WDR64: variants seen among roughly 807,000 people sequenced by gnomAD.
WDR64 encodes the protein WD repeat-containing protein 64.
In WDR64, 112 loss-of-function variants were observed where a neutral mutation model predicts 139.3. The observed-to-expected ratio is 0.80, with a 90% confidence interval of 0.69 to 0.94. WDR64 has a LOEUF of 0.94. Ranked by LOEUF, WDR64 falls within the 40% of genes least tolerant of loss-of-function variation. WDR64 has a pLI of 0.00. For synonymous variants in WDR64, 444 were observed against 437.7 expected, an observed-to-expected ratio of 1.01 and a Z score of -0.18; for missense variants, 1,206 against 1,293.1, an observed-to-expected ratio of 0.93 and a Z score of 1.03.
At chr1:241,800,757 G>T (rs990539493) in intron 27 of WDR64, among the ~76,000 whole-genome samples, 1 of 152,214 alleles carries the variant, frequency 6.6e-6, no homozygotes, top group African/African-American at 2.4e-5. Flanking sequence ...TTATTAATCT[G>T]CAATATTAAT....
intron 8 of WDR64, among the ~76,000 whole-genome samples, chr1:241,697,019 A>G (rs1348556503): frequency 6.6e-6 from 1 of 151,856 alleles, no homozygotes; most frequent in Non-Finnish European, 1.5e-5. Flanking sequence ...TTCCCTTCCT[A>G]TTGACCTAGA....
At chr1:241,714,185 T>A (rs1461835988) in intron 9 of WDR64, among the ~76,000 whole-genome samples, 2 of 152,204 alleles carry the variant, frequency 1.3e-5, no homozygotes, top group African/African-American at 2.4e-5. Flanking sequence ...ACAGAAGGCA[T>A]GTAGGCTTGC....
chr1:241,652,460 G>C lies in WDR64; in HGVS notation c.-25G>C, dbSNP rs780549609. ...AAACTTGCAGTATTCTTTCTGTACAGAAGTAAAAGATCCCCTATGTCCCTA... is the reference window on the plus strand; with the variant it reads ...AAACTTGCAGTATTCTTTCTGTACACAAGTAAAAGATCCCCTATGTCCCTA... On this transcript the variant is annotated 5_prime_UTR_variant, in exon 1 of 28. Coordinates refer to ENST00000437684, the MANE Select transcript of WDR64 (RefSeq NM_001367482.1). 3.9e-6 allele frequency: 6 copies of C among 1,547,860 alleles called. No homozygotes were observed. In the African/African-American group the frequency reaches 8.3e-5, roughly 21 times the overall value.
intron 25 of WDR64, 125 bp downstream of exon 25, chr1:241,790,821 A>G (rs1659194689): frequency 1.3e-6 from 1 of 759,804 alleles, no homozygotes; most frequent in Admixed American, 2.9e-5. Context: ...ATTACAAATT[A>G]CTATAAACTT....
Position 241,780,071 on chromosome 1 carries a change from T to C in WDR64, c.2595+9T>C, listed in dbSNP as rs1469979580. 1 of 1,590,310 alleles carries C rather than the reference T, an allele frequency of 6.3e-7. No homozygotes were observed. The highest frequency in any genetic ancestry group is 1.2e-5 in the South Asian group (1 of 86,870). On this transcript the variant is annotated intron_variant, in intron 22 of 27. Transcript: ENST00000437684. ...CACCTCATGATGAAAAGGTAAGAACTTCAGTTTTCCACTTTAATTTATGAG... is the reference window on the plus strand; with the variant it reads ...CACCTCATGATGAAAAGGTAAGAACCTCAGTTTTCCACTTTAATTTATGAG...
chr1:241,723,929 C>T (rs1175322151), intron 10 of WDR64, among the ~76,000 whole-genome samples: 2 of 151,626 alleles, frequency 1.3e-5, no homozygotes, highest in Non-Finnish European at 2.9e-5. Context: ...TGGCTAGTTG[C>T]AATGGCAACC....
intron 16 of WDR64, 47 bp from the exon 17 acceptor site, chr1:241,769,357 C>T (rs1300512197): frequency 6.9e-7 from 1 of 1,438,924 alleles, no homozygotes. Flanking sequence ...ACTGTAAGCT[C>T]CATAATTTGT....
intron 20 of WDR64, among the ~76,000 whole-genome samples, 189 bp from the exon 21 acceptor site, chr1:241,774,916 T>A (rs570582322): frequency 5.3e-5 from 8 of 152,208 alleles, no homozygotes; most frequent in Non-Finnish European, 1.2e-4. Context: ...TTTAGTATAT[T>A]TAATTTCAAG....
rs970715834 is a variant in WDR64, at chr1:241,656,197, G to A, written c.145+3568G>A. On this transcript the variant is annotated intron_variant, in intron 1 of 27. Transcript: ENST00000437684. The surrounding 1 kb of genome is among the most constrained non-coding windows in gnomAD (Gnocchi z 4.3). ...ATGTCATCTTCACTTTTGTCAGGCT[G>A]TTAATAATGTCTGGCACAAATTCAT... Among the ~76,000 whole-genome samples, 1 of 152,166 alleles carries A rather than the reference G, an allele frequency of 6.6e-6. No individual in the cohort carries two copies. Among genetic ancestry groups the A allele is most frequent in the African/African-American group, 2.4e-5 (1 of 41,436 alleles).
chr1:241,704,339 T>G (rs1221107042), intron 8 of WDR64, among the ~76,000 whole-genome samples: 2 of 152,228 alleles, frequency 1.3e-5, no homozygotes, highest in Non-Finnish European at 2.9e-5. Context: ...TAAAGTGCTA[T>G]CGAAATGCTG....
At chr1:241,742,970 G>A (rs1669606134) in intron 12 of WDR64, among the ~76,000 whole-genome samples, 1 of 152,152 alleles carries the variant, frequency 6.6e-6, no homozygotes, top group Non-Finnish European at 1.5e-5. Flanking sequence ...GGAGACGTGT[G>A]GACTAGCAGA....
chr1:241,752,216 C>T (rs2148267090), intron 14 of WDR64, among the ~76,000 whole-genome samples: 1 of 152,254 alleles, frequency 6.6e-6, no homozygotes, highest in East Asian at 1.9e-4. Context: ...TTCCTAAAGA[C>T]CTACCAGCCA....
chr1:241,687,514 C>T lies in WDR64; in HGVS notation c.893C>T (p.Ala298Val), dbSNP rs755868273. 7.4e-6 allele frequency: 12 copies of T among 1,613,740 alleles called. No homozygotes were observed. The South Asian group carries it at 1.3e-4, about 18-fold the overall frequency. Reference protein sequence around the residue: ...DWVMKIRYISALNCFGSCSLD... With the variant: ...DWVMKIRYISVLNCFGSCSLD... ...GTTATGAAAATTAGATATATTTCAGCCCTAAATTGTTTTGGATCCTGCTCC... is the reference window on the plus strand; with the variant it reads ...GTTATGAAAATTAGATATATTTCAGTCCTAAATTGTTTTGGATCCTGCTCC... The change falls in exon 8 of 28, where the codon GCC becomes GTC. Residue 298 changes from alanine to valine, a missense_variant. By Grantham distance (64) the Ala-to-Val change is moderately conservative. Transcript: ENST00000437684.
rs113503463 is a variant in WDR64 at position 241,785,880 on chromosome 1, A to G, written c.2706-1969A>G. Among the ~76,000 whole-genome samples, 451 of 152,342 alleles carry G rather than the reference A, an allele frequency of 3.0e-3. 2 individuals are homozygous for G. Among genetic ancestry groups the G allele is most frequent in the African/African-American group, 0.01 (429 of 41,580 alleles). ...AGTTCAGGGAGGCAAAGTGGGGCTC[A>G]AGGTAGCTAAGGTTCTGTATCTGAG... On this transcript the variant is annotated intron_variant, in intron 23 of 27. Coordinates refer to ENST00000437684, the MANE Select transcript of WDR64 (RefSeq NM_001367482.1).
In WDR64 at chr1:241,652,604, A is replaced by G; in HGVS notation, c.120A>G (p.Arg40=). Residue 40 remains arginine, a synonymous_variant, in exon 1 of 28, where the codon AGA becomes AGG. Coordinates refer to ENST00000437684, the MANE Select transcript of WDR64 (RefSeq NM_001367482.1). ...EQTAAQKRDE[R]AGLFIHKEDA... is the part of the protein sequence containing the mutation. ...CAGCAGCCCAGAAAAGAGATGAAAG[A>G]GCAGGCTTATTTATCCATAAAGAAG... is the stretch of plus-strand genomic sequence containing the variant. 6.4e-7 allele frequency: 1 copy of G among 1,551,834 alleles called. No individual in the cohort carries two copies. The highest frequency in any genetic ancestry group is 8.7e-7 in the Non-Finnish European group (1 of 1,147,030).
chr1:241,691,288 C>T (rs917775716), intron 8 of WDR64, among the ~76,000 whole-genome samples: 1 of 151,952 alleles, frequency 6.6e-6, no homozygotes, highest in Non-Finnish European at 1.5e-5. Context: ...AAAACAATAA[C>T]AAATATAGTA....
intron 8 of WDR64, among the ~76,000 whole-genome samples, 192 bp downstream of exon 8, chr1:241,687,787 G>C (rs1255799441): frequency 6.6e-6 from 1 of 152,172 alleles, no homozygotes; most frequent in Non-Finnish European, 1.5e-5. Context: ...TGAACATGAC[G>C]TGTCCTAACA....
Position 241,744,375 on chromosome 1 carries a change from T to A in WDR64, c.1471-18T>A, listed in dbSNP as rs182319746. 1.7e-5 allele frequency: 28 copies of A among 1,612,866 alleles called. No homozygotes were observed. The highest frequency in any genetic ancestry group is 2.3e-5 in the Non-Finnish European group (27 of 1,179,674). ...CTTCTTCAAACGGATTACTTGATAT[T>A]TTCGTTCTTTCCCATAGGTATGGGA... On this transcript the variant is annotated intron_variant, in intron 12 of 27. Coordinates refer to ENST00000437684, the MANE Select transcript of WDR64 (RefSeq NM_001367482.1).
At chr1:241,748,841 G>C (rs1391388766) in intron 13 of WDR64, among the ~76,000 whole-genome samples, 1 of 151,822 alleles carries the variant, frequency 6.6e-6, no homozygotes, top group Non-Finnish European at 1.5e-5. Context: ...TCTGGAGGCT[G>C]AGGCAGGAGA....
Sources: allele counts gnomAD v4.1 joint callset (sites outside exome capture counted in the v4.1 genomes callset), GRCh38; gene constraint gnomAD v4.1.1; non-coding constraint Gnocchi (gnomAD v3.1); transcripts MANE v1.5; gene names NCBI Gene and HGNC (gene_info 2026-07-23, HGNC 2026-07-21).